MGLL: variants seen among roughly 807,000 people sequenced by gnomAD.
MGLL encodes the protein lysophospholipase homolog.
A neutral mutation model predicts 29.1 loss-of-function variants in MGLL; 7 were observed. The ratio of observed to expected loss-of-function variants is 0.24; its 90% CI spans 0.14 to 0.45. The LOEUF is 0.45. MGLL is among the 20% of genes least tolerant of loss of function. The probability of loss-of-function intolerance (pLI) is 0.99; values close to 1 mark genes in which losing one functional copy is unlikely to be tolerated. For synonymous variants in MGLL, 148 were observed against 168.3 expected (o/e 0.88, Z 0.93); for missense variants, 356 against 413.6 (o/e 0.86, Z 1.21).
intron 4 of MGLL, 88 bp from the exon 5 acceptor site, chr3:127,721,251 G>A: frequency 2.6e-6 from 3 of 1,162,882 alleles, no homozygotes; most frequent in Non-Finnish European, 3.8e-6. Flanking sequence ...GTCCTCTTAA[G>A]CTGCAGTCCT....
intron 5 of MGLL, among the ~76,000 whole-genome samples, chr3:127,720,764 C>T (rs1303521448): frequency 6.6e-6 from 1 of 152,224 alleles, no homozygotes; most frequent in African/African-American, 2.4e-5. Flanking sequence ...ACAAACGTGA[C>T]TTTGCTGGAC....
chr3:127,759,796 T>C (rs1195739842), intron 3 of MGLL, among the ~76,000 whole-genome samples: 2 of 152,246 alleles, frequency 1.3e-5, no homozygotes, highest in Non-Finnish European at 2.9e-5. Context: ...AATCGGTCCC[T>C]TTGGCCTTCA....
Position 127,781,543 on chromosome 3 carries a change from G to A in MGLL, c.262+246C>T, listed in dbSNP as rs182038618. ...AATTCCTTAGCCTCAGGCAAGTTCT[G>A]AGATGAACATATCCGACTTTGTTTT... On this transcript the variant is annotated intron_variant, in intron 3 of 7. Coordinates refer to ENST00000265052, the MANE Select transcript of MGLL (RefSeq NM_007283.7). Among the ~76,000 whole-genome samples the A allele has an allele frequency of 1.4e-3, 220 of 152,368 alleles. 2 individuals carry two copies. The highest frequency in any genetic ancestry group is 5.2e-3 in the African/African-American group (217 of 41,590).
intron 3 of MGLL, among the ~76,000 whole-genome samples, chr3:127,723,371 C>G (rs1413637683): frequency 5.3e-5 from 8 of 152,154 alleles, no homozygotes; most frequent in Non-Finnish European, 7.4e-5. Context: ...CCAGACCTTC[C>G]CTGCTGAGAG....
chr3:127,693,364 A>G (rs2107575946), intron 7 of MGLL, among the ~76,000 whole-genome samples: 1 of 152,314 alleles, frequency 6.6e-6, no homozygotes, highest in South Asian at 2.1e-4. Flanking sequence ...TGAAAATCAC[A>G]GCACGTCACT....
At chr3:127,810,241 C>T (rs1404451082) in intron 2 of MGLL, among the ~76,000 whole-genome samples, 2 of 152,116 alleles carry the variant, frequency 1.3e-5, no homozygotes, top group African/African-American at 4.8e-5. Flanking sequence ...CTTCTAGGCT[C>T]CAAAACTGCA....
At chr3:127,775,815 C>G (rs4311178) in intron 3 of MGLL, among the ~76,000 whole-genome samples, 3 of 152,158 alleles carry the variant, frequency 2.0e-5, no homozygotes, top group Non-Finnish European at 4.4e-5. Context: ...AGCAGGCCTG[C>G]GGGCAAATGG....
At chr3:127,790,682 G>C (rs969408813) in intron 2 of MGLL, among the ~76,000 whole-genome samples, 3 of 152,154 alleles carry the variant, frequency 2.0e-5, no homozygotes, top group Non-Finnish European at 4.4e-5. Context: ...CTGCCCTTAC[G>C]GAAGTCGCAT....
chr3:127,749,517 C>T (rs1395160654), intron 3 of MGLL, among the ~76,000 whole-genome samples: 1 of 152,198 alleles, frequency 6.6e-6, no homozygotes, highest in East Asian at 1.9e-4. Context: ...TCCCGCATTC[C>T]ACATTCCATC....
chr3:127,776,112 G>T (rs1056320791), intron 3 of MGLL, among the ~76,000 whole-genome samples: 3 of 152,208 alleles, frequency 2.0e-5, no homozygotes, highest in Admixed American at 2.0e-4. Flanking sequence ...GGCTGCCCGT[G>T]CACCTCTCCC....
chr3:127,762,613 C>T (rs2076785482), intron 3 of MGLL, among the ~76,000 whole-genome samples: 1 of 152,178 alleles, frequency 6.6e-6, no homozygotes, highest in African/African-American at 2.4e-5. Flanking sequence ...GGTGGGACCT[C>T]GAAGTCTGTC....
chr3:127,709,242 C>T (rs2075662895), intron 6 of MGLL, among the ~76,000 whole-genome samples: 1 of 152,162 alleles, frequency 6.6e-6, no homozygotes, highest in Non-Finnish European at 1.5e-5. Context: ...CTAATGGGTC[C>T]AACCTGGCCC....
chr3:127,805,427 G>A (rs755212089), intron 2 of MGLL, among the ~76,000 whole-genome samples: 1 of 152,266 alleles, frequency 6.6e-6, no homozygotes, highest in Non-Finnish European at 1.5e-5. Flanking sequence ...CAGTGGGAGC[G>A]GGAGCTGAAC....
At position 127,735,990 on chromosome 3, in the gene MGLL, C is replaced by T. The variant is rs73859598; in HGVS notation, c.263-13424G>A. 7,404 of 1,422,262 alleles carry T rather than the reference C, an allele frequency of 5.2e-3. 352 individuals are homozygous for T. In the African/African-American group the frequency reaches 0.096, roughly 18 times the overall value. The allele number at this position is 1,422,262 out of a possible 1,614,324, so 88.1% of individuals were successfully genotyped here. A position where few individuals can be genotyped will look rare whatever the true frequency, so the allele number is the denominator to read the frequency against. ...ACCATCTTTCGGCTCAGTTCCTTCA[C>T]GCTAAAAGCTCCCAGGTTTAACATG... On this transcript the variant is annotated intron_variant, in intron 3 of 7. Coordinates refer to ENST00000265052, the MANE Select transcript of MGLL (RefSeq NM_007283.7).
intron 6 of MGLL, among the ~76,000 whole-genome samples, chr3:127,703,914 T>C (rs921527978): frequency 1.3e-5 from 2 of 152,190 alleles, no homozygotes; most frequent in Admixed American, 1.3e-4. Flanking sequence ...AAGCAAACGA[T>C]GGGCCAGACA....
chr3:127,775,310 G>A (rs919660130), intron 3 of MGLL, among the ~76,000 whole-genome samples: 3 of 152,168 alleles, frequency 2.0e-5, no homozygotes, highest in South Asian at 2.1e-4. Flanking sequence ...CAAGAAAAAC[G>A]GTTAACACAT....
Position 127,722,525 on chromosome 3 carries a change from C to A in MGLL, c.304G>T (p.Asp102Tyr). The A allele has an allele frequency of 6.2e-7, 1 of 1,614,230 alleles. No individual in the cohort carries two copies. Among genetic ancestry groups the A allele is most frequent in the Non-Finnish European group, 8.5e-7 (1 of 1,180,046 alleles). The part of the protein sequence containing the change: ...QSEGERMVVS[D>Y]FHVFVRDVLQ... The stretch of plus-strand genomic sequence containing the variant: ...ACATCCCTGACGAAAACGTGGAAGT[C>A]AGACACTACCATCCTCTCCCCTTCG... Residue 102 changes from aspartate (D) to tyrosine (Y), a missense_variant, in exon 4 of 8, where the codon GAC (aspartate) becomes TAC (tyrosine). Physicochemically the swap from Asp to Tyr is radical, Grantham distance 160 (BLOSUM62 -3). Coordinates refer to ENST00000265052, the MANE Select transcript of MGLL (RefSeq NM_007283.7).
At chr3:127,788,787 C>A (rs545397901) in intron 2 of MGLL, among the ~76,000 whole-genome samples, 2 of 152,264 alleles carry the variant, frequency 1.3e-5, no homozygotes, top group Non-Finnish European at 2.9e-5. Flanking sequence ...GCCCTGTGTT[C>A]TTTGAGAAGA....
chr3:127,758,407 T>C (rs1434733756), intron 3 of MGLL, among the ~76,000 whole-genome samples: 1 of 152,146 alleles, frequency 6.6e-6, no homozygotes, highest in Non-Finnish European at 1.5e-5. Flanking sequence ...ATGCCTGGAG[T>C]TGGTAACTGG....
Sources: allele counts gnomAD v4.1 joint callset (sites outside exome capture counted in the v4.1 genomes callset), GRCh38; gene constraint gnomAD v4.1.1; transcripts MANE v1.5; gene names NCBI Gene and HGNC (gene_info 2026-07-23, HGNC 2026-07-21).